The following KCNMA1 variants were observed in gnomAD, a reference collection of about 807,000 sequenced individuals.
KCNMA1 encodes the protein Calcium-activated potassium channel subunit alpha-1.
A neutral mutation model predicts 140.0 loss-of-function variants in KCNMA1; 29 were observed. The ratio of observed to expected loss-of-function variants is 0.21; its 90% CI spans 0.15 to 0.28. KCNMA1 has a LOEUF of 0.28. Among genes scored for constraint, KCNMA1 ranks in the 10% least tolerant of loss-of-function variants. KCNMA1 has a pLI of 1.00. For synonymous variants in KCNMA1, 612 were observed against 611.9 expected (o/e 1.00, Z 0.00); for missense variants, 880 against 1,602.2 (o/e 0.55, Z 7.70).
chr10:77,544,164 G>GTT (rs1322055807), intron 1 of KCNMA1, among the ~76,000 whole-genome samples: 1 of 151,392 alleles, frequency 6.6e-6, no homozygotes, highest in Non-Finnish European at 1.5e-5. Context: ...GTGTGTGTGT[G>GTT]TGTGTGTGTG....
chr10:77,491,065 A>G (rs2098525866), intron 1 of KCNMA1, among the ~76,000 whole-genome samples: 1 of 152,164 alleles, frequency 6.6e-6, no homozygotes, highest in South Asian at 2.1e-4. Flanking sequence ...ACTGAGGTCC[A>G]CCTCTTTCCG....
intron 12 of KCNMA1, among the ~76,000 whole-genome samples, chr10:77,081,949 G>T (rs1199258205): frequency 7.0e-6 from 1 of 143,214 alleles, no homozygotes; most frequent in African/African-American, 2.6e-5. Context: ...CTCAGTTCTG[G>T]CTCTACTTAA....
intron 5 of KCNMA1, among the ~76,000 whole-genome samples, chr10:77,161,784 T>C (rs2098557247): frequency 6.6e-6 from 1 of 152,228 alleles, no homozygotes; most frequent in Non-Finnish European, 1.5e-5. Flanking sequence ...TTCTGTAGTA[T>C]TATTTAACTA....
intron 3 of KCNMA1, among the ~76,000 whole-genome samples, chr10:77,198,803 C>T (rs934070689): frequency 6.6e-6 from 1 of 152,010 alleles, no homozygotes; most frequent in Non-Finnish European, 1.5e-5. Context: ...AAAAATGGTA[C>T]GGTCTAGTCC....
intron 15 of KCNMA1, among the ~76,000 whole-genome samples, chr10:77,030,936 T>C (rs932581356): frequency 6.6e-6 from 1 of 152,172 alleles, no homozygotes; most frequent in Non-Finnish European, 1.5e-5. Context: ...AGGGATAGAA[T>C]GATGTGAACA....
At chr10:77,341,064 A>C (rs557225707) in intron 2 of KCNMA1, among the ~76,000 whole-genome samples, 1 of 152,276 alleles carries the variant, frequency 6.6e-6, no homozygotes, top group East Asian at 1.9e-4. Context: ...GGTTAAGCAC[A>C]TGGGCTTTGC....
intron 21 of KCNMA1, among the ~76,000 whole-genome samples, chr10:76,952,846 C>T (rs1172782406): frequency 6.6e-6 from 1 of 152,162 alleles, no homozygotes; most frequent in Non-Finnish European, 1.5e-5. Flanking sequence ...ATAGGATTTT[C>T]CTGGCTGACA....
In KCNMA1 at chr10:76,910,092, G is replaced by A. The variant is rs369363787; in HGVS notation, c.3021C>T (p.Asn1007=). Residue 1007 remains asparagine (N), a synonymous_variant, in exon 25 of 28, where the codon AAC becomes AAT. Coordinates refer to ENST00000286628, the MANE Select transcript of KCNMA1 (RefSeq NM_001161352.2). ...VNIPIITELV[N]DTNVQFLDQD... ...GGTCCAAAAACTGAACATTAGTATCGTTCACTAGAAAAAGCATAAAATAAG... is the reference window on the plus strand; with the variant it reads ...GGTCCAAAAACTGAACATTAGTATCATTCACTAGAAAAAGCATAAAATAAG... 4.7e-5 allele frequency: 76 copies of A among 1,613,928 alleles called. No homozygotes were observed. The Admixed American group carries it at 5.2e-4, about 11-fold the overall frequency.
chr10:77,624,777 T>G (rs982695207), intron 1 of KCNMA1, among the ~76,000 whole-genome samples: 1 of 152,068 alleles, frequency 6.6e-6, no homozygotes, highest in Non-Finnish European at 1.5e-5. Flanking sequence ...CGGCGCTCCC[T>G]TAACTTCACT....
chr10:77,619,062 C>T (rs1311812269), intron 1 of KCNMA1, among the ~76,000 whole-genome samples: 1 of 152,186 alleles, frequency 6.6e-6, no homozygotes, highest in African/African-American at 2.4e-5. Flanking sequence ...AGGAGCTGGA[C>T]CTTGTGAAAG....
intron 1 of KCNMA1, among the ~76,000 whole-genome samples, chr10:77,420,370 T>C (rs1456360335): frequency 6.6e-6 from 1 of 152,210 alleles, no homozygotes; most frequent in African/African-American, 2.4e-5. Flanking sequence ...CTGTTCTCCT[T>C]CCCAAATCCT....
intron 16 of KCNMA1, among the ~76,000 whole-genome samples, chr10:77,026,890 A>T (rs2093503044): frequency 6.6e-6 from 1 of 152,218 alleles, no homozygotes; most frequent in African/African-American, 2.4e-5. Context: ...GATAAAAGGA[A>T]ACGTCTAGTC....
chr10:77,284,387 T>TC (rs112324581), intron 2 of KCNMA1, among the ~76,000 whole-genome samples: 1 of 151,852 alleles, frequency 6.6e-6, no homozygotes, highest in South Asian at 2.1e-4. Context: ...AAAAAAAATT[T>TC]AATGGGCTAG....
At chr10:77,515,854 C>T (rs2050206687) in intron 1 of KCNMA1, among the ~76,000 whole-genome samples, 1 of 152,182 alleles carries the variant, frequency 6.6e-6, no homozygotes, top group Admixed American at 6.5e-5. Flanking sequence ...CGGCACCTGG[C>T]ATATCATGCA....
At chr10:77,554,643 AAGAG>A (rs1201165138) in intron 1 of KCNMA1, among the ~76,000 whole-genome samples, 3 of 151,680 alleles carry the variant, frequency 2.0e-5, no homozygotes, top group Non-Finnish European at 4.4e-5. Flanking sequence ...AAAAGAAAGA[AAGAG>A]AAAGAGAAAA....
chr10:76,923,719 C>A (rs4979879), intron 23 of KCNMA1, among the ~76,000 whole-genome samples: 5,939 of 152,272 alleles, frequency 0.039, 356 homozygotes, highest in African/African-American at 0.12. Flanking sequence ...TGCAGTGGCT[C>A]ATGCCTGTAA....
intron 5 of KCNMA1, among the ~76,000 whole-genome samples, chr10:77,159,245 A>G (rs1203051241): frequency 6.6e-6 from 1 of 152,180 alleles, no homozygotes; most frequent in African/African-American, 2.4e-5. Flanking sequence ...CAGCTCTTAA[A>G]AGATGCTTCA....
At chr10:77,008,059 T>C (rs2089629170) in intron 18 of KCNMA1, 2 of 941,644 alleles carry the variant, frequency 2.1e-6, no homozygotes, top group South Asian at 3.0e-5. Flanking sequence ...ATGTCACTGC[T>C]ACATGCAACA....
chr10:76,938,709 C>A (rs996809583), intron 23 of KCNMA1, among the ~76,000 whole-genome samples: 5 of 152,150 alleles, frequency 3.3e-5, no homozygotes, highest in African/African-American at 9.7e-5. Flanking sequence ...CAATGCCCAA[C>A]CCACATTTCA....
Sources: gnomAD v4.1 joint callset for allele counts (sites outside exome capture counted in the v4.1 genomes callset) on GRCh38, gnomAD v4.1.1 for gene constraint, MANE v1.5 for transcripts, NCBI Gene and HGNC (gene_info 2026-07-23, HGNC 2026-07-21) for gene names.